Variants in ZNF385D observed in about 807,000 individuals in gnomAD.
ZNF385D encodes zinc finger protein 659.
Under a neutral mutation model 35.8 loss-of-function variants are expected in ZNF385D, and 15 were observed. The ratio of observed to expected loss-of-function variants is 0.42; its 90% CI spans 0.28 to 0.64. The LOEUF (loss-of-function observed/expected upper bound fraction) is 0.64. ZNF385D is among the 30% of genes least tolerant of loss of function. ZNF385D has a pLI of 0.23. For synonymous variants in ZNF385D, 212 were observed against 186.8 expected (o/e 1.13, Z -1.10); for missense variants, 474 against 494.6 (o/e 0.96, Z 0.39).
chr3:22,364,626 G>C (rs898417364), intron 2 of ZNF385D, among the ~76,000 whole-genome samples: 2 of 152,096 alleles, frequency 1.3e-5, no homozygotes, highest in South Asian at 2.1e-4. Context: ...GGAAAAATTA[G>C]AAAACTTGTA....
intron 3 of ZNF385D, among the ~76,000 whole-genome samples, chr3:21,776,545 G>A (rs1486337955): frequency 1.3e-5 from 2 of 151,992 alleles, no homozygotes; most frequent in East Asian, 3.9e-4. Context: ...GTTAATGACT[G>A]AAGTAATTTT....
In ZNF385D at chr3:22,028,592, A is replaced by G. The variant is rs983261938; in HGVS notation, c.325+140225T>C. On this transcript the variant is annotated intron_variant, in intron 3 of 5. Transcript: ENST00000494108. Reference sequence around the variant, plus strand: ...GAGGTTTGTCCTCACTGGAGTGGACATTTACTCTGGATATGGGTTTGCCTA... The same window carrying G: ...GAGGTTTGTCCTCACTGGAGTGGACGTTTACTCTGGATATGGGTTTGCCTA... Among the ~76,000 whole-genome samples the G allele has an allele frequency of 4.3e-4, 66 of 152,282 alleles. 1 individual carries two copies. Among genetic ancestry groups the G allele is most frequent in the African/African-American group, 1.5e-3 (63 of 41,554 alleles).
chr3:21,433,602 G>T (rs923263734), intron 5 of ZNF385D, among the ~76,000 whole-genome samples: 1 of 152,126 alleles, frequency 6.6e-6, no homozygotes, highest in African/African-American at 2.4e-5. Context: ...GAGTTCTAAA[G>T]GTGGGGCATT....
intron 7 of ZNF385D, 81 bp downstream of exon 7, chr3:21,423,882 G>T: frequency 7.4e-7 from 1 of 1,349,638 alleles, no homozygotes; most frequent in South Asian, 1.3e-5. Context: ...GTGGTTAAAG[G>T]TGGCAAAATG....
At chr3:21,756,215 G>C (rs2070333158) in intron 3 of ZNF385D, among the ~76,000 whole-genome samples, 1 of 152,124 alleles carries the variant, frequency 6.6e-6, no homozygotes, top group South Asian at 2.1e-4. Flanking sequence ...AAGAAACAGT[G>C]GCGGTAGAAA....
intron 2 of ZNF385D, among the ~76,000 whole-genome samples, chr3:22,321,054 T>C (rs1203309065): frequency 1.3e-5 from 2 of 151,850 alleles, no homozygotes; most frequent in African/African-American, 4.8e-5. Context: ...TCCTAATTTT[T>C]ACAATTGTTT....
At chr3:21,636,378 T>TTATATATATATATATATA (rs1183440640) in intron 2 of ZNF385D, among the ~76,000 whole-genome samples, 4 of 47,984 alleles carry the variant, frequency 8.3e-5, no homozygotes, top group African/African-American at 1.8e-4. Flanking sequence ...ATATATATGA[T>TTATATATATATATATATA]TATATATATA....
chr3:22,358,088 C>T (rs774795171), intron 2 of ZNF385D, among the ~76,000 whole-genome samples: 16 of 151,836 alleles, frequency 1.1e-4, no homozygotes, highest in East Asian at 1.9e-4. Context: ...AAATATTTGT[C>T]GAATGAATAA....
intron 2 of ZNF385D, among the ~76,000 whole-genome samples, chr3:21,599,963 G>A (rs1294319887): frequency 6.6e-6 from 1 of 152,160 alleles, no homozygotes; most frequent in Non-Finnish European, 1.5e-5. Flanking sequence ...AGGTCATAAA[G>A]ACCTTGCTGA....
chr3:21,662,140 C>T (rs1271958159), intron 2 of ZNF385D, among the ~76,000 whole-genome samples: 1 of 152,084 alleles, frequency 6.6e-6, no homozygotes, highest in Non-Finnish European at 1.5e-5. Flanking sequence ...GAGTTCATCA[C>T]TTATCATCAA....
chr3:21,667,267 T>C (rs564717542), intron 1 of ZNF385D, among the ~76,000 whole-genome samples: 3 of 152,146 alleles, frequency 2.0e-5, no homozygotes, highest in South Asian at 2.1e-4. Flanking sequence ...GCTTAGCTGA[T>C]CTTCTCACCT....
intron 3 of ZNF385D, among the ~76,000 whole-genome samples, chr3:21,935,649 A>C (rs1304908192): frequency 6.6e-6 from 1 of 152,110 alleles, no homozygotes; most frequent in Non-Finnish European, 1.5e-5. Context: ...TCTGTTTAGA[A>C]GTGACCTTTT....
At chr3:21,795,954 G>A (rs564460291) in intron 3 of ZNF385D, among the ~76,000 whole-genome samples, 9 of 152,122 alleles carry the variant, frequency 5.9e-5, no homozygotes, top group Non-Finnish European at 8.8e-5. Flanking sequence ...AGAACTTAAG[G>A]CATACATTTG....
intron 3 of ZNF385D, among the ~76,000 whole-genome samples, chr3:22,010,243 A>C (rs959482346): frequency 1.3e-5 from 2 of 152,258 alleles, no homozygotes; most frequent in Admixed American, 6.5e-5. Context: ...ACGTGGAATG[A>C]TCAGGAGCCA....
At chr3:21,852,531 T>C (rs1211724112) in intron 3 of ZNF385D, among the ~76,000 whole-genome samples, 1 of 151,926 alleles carries the variant, frequency 6.6e-6, no homozygotes, top group East Asian at 1.9e-4. Context: ...TCATGCTAAA[T>C]GTGTGATTGG....
rs995985305 is a variant in ZNF385D, at chr3:21,418,955, C to T, written c.*2259G>A. On this transcript the variant is annotated 3_prime_UTR_variant, in exon 8 of 8. Transcript: ENST00000281523. ...GGCAACTATCCACCTGGCTGAACTA[C>T]CAGGGTCTGTAGGTGAAAAAGGAAA... 3 of 152,072 alleles carry T rather than the reference C, an allele frequency of 2.0e-5. No individual in the cohort carries two copies. The highest frequency in any genetic ancestry group is 7.2e-5 in the African/African-American group (3 of 41,426). The allele number at this position is 152,072 out of a possible 1,614,324, so 9.4% of individuals were successfully genotyped here.
chr3:21,532,770 T>C (rs1162057283), intron 3 of ZNF385D, among the ~76,000 whole-genome samples: 3 of 152,154 alleles, frequency 2.0e-5, no homozygotes, highest in Non-Finnish European at 4.4e-5. Context: ...TTAGCATATA[T>C]AGAGTTCATT....
At chr3:21,931,810 A>G (rs1701021462) in intron 3 of ZNF385D, among the ~76,000 whole-genome samples, 1 of 152,168 alleles carries the variant, frequency 6.6e-6, no homozygotes, top group African/African-American at 2.4e-5. Context: ...ATTGGATTGT[A>G]CACTTAAGTG....
intron 3 of ZNF385D, among the ~76,000 whole-genome samples, chr3:21,775,758 A>C (rs2071262401): frequency 6.6e-6 from 1 of 151,934 alleles, no homozygotes; most frequent in South Asian, 2.1e-4. Flanking sequence ...TGATTTAAGA[A>C]TATCCTTCTA....
Sources: gnomAD v4.1 joint callset for allele counts (sites outside exome capture counted in the v4.1 genomes callset) on GRCh38, gnomAD v4.1.1 for gene constraint, MANE v1.5 for transcripts, NCBI Gene and HGNC (gene_info 2026-07-23, HGNC 2026-07-21) for gene names.